TLE2: variants seen among roughly 807,000 people sequenced by gnomAD.
The protein encoded by TLE2 is transducin-like enhancer protein 2.
Under a neutral mutation model 97.2 loss-of-function variants are expected in TLE2, and 74 were observed. The observed-to-expected ratio is 0.76, with a 90% CI of 0.63 to 0.92. The LOEUF is 0.92. TLE2 is among the 40% of genes least tolerant of loss of function. The pLI is 0.00. For synonymous variants in TLE2, 499 were observed against 432.1 expected (o/e 1.15, Z -1.92); for missense variants, 1,038 against 1,008.7 (o/e 1.03, Z -0.39).
Position 3,005,728 on chromosome 19 carries a change from T to A in TLE2, c.1741A>T (p.Met581Leu). The A allele has an allele frequency of 6.2e-7, 1 of 1,613,236 alleles. No individual in the cohort carries two copies. The highest frequency in any genetic ancestry group is 8.5e-7 in the Non-Finnish European group (1 of 1,179,546). ...IVVWDLQNQT[M>L]VRQFQGHTDG... ...AGCGCACCTGCCACCCACCTGACCA[T>A]AGTCTGATTCTGCAGGTCCCAGACC... Residue 581 changes from methionine to leucine, a missense_variant, in exon 16 of 20, where the codon ATG (methionine) becomes TTG (leucine). Physicochemically the swap from Met to Leu is conservative, Grantham distance 15. Coordinates refer to ENST00000262953, the MANE Select transcript of TLE2 (RefSeq NM_003260.5).
chr19:3,031,996 CG>C (rs1386137467), upstream of TLE2, among the ~76,000 whole-genome samples: 2 of 151,842 alleles, frequency 1.3e-5, no homozygotes, highest in African/African-American at 4.8e-5. Flanking sequence ...GGCGCGATCT[CG>C]GCTCACTGCT....
intron 9 of TLE2, among the ~76,000 whole-genome samples, chr19:3,015,229 G>A (rs553066790): frequency 9.9e-5 from 15 of 152,248 alleles, no homozygotes; most frequent in South Asian, 4.2e-4. Context: ...CCCCACATTC[G>A]GCCTGGCCCC....
chr19:3,045,512 T>C (rs1745604595), intron 1 of TLE2, among the ~76,000 whole-genome samples: 2 of 152,142 alleles, frequency 1.3e-5, no homozygotes, highest in South Asian at 4.1e-4. Flanking sequence ...CTTCTTTCTC[T>C]TAAACCAAAT....
rs2089643099 is a variant in TLE2, at chr19:3,013,703, C to CT, written c.838_839insA (p.Gly280GlufsTer6). On this transcript the variant is annotated frameshift_variant, in exon 11 of 20. Coordinates refer to ENST00000262953, the MANE Select transcript of TLE2 (RefSeq NM_003260.5). LOFTEE classifies it high-confidence loss of function. ...CTCCTTGGCTCTAGGCAGCGGTGAG[C>CT]CAAGGCTAGAGGCCAAGGAGGCTGG... 6 of 1,501,308 alleles carry CT rather than the reference C, an allele frequency of 4.0e-6. No homozygotes were observed. Among genetic ancestry groups the CT allele is most frequent in the Non-Finnish European group, 5.3e-6 (6 of 1,125,398 alleles). The allele number at this position is 1,501,308 out of a possible 1,614,324, so 93.0% of individuals were successfully genotyped here.
intron 17 of TLE2, 129 bp downstream of exon 17, chr19:3,005,304 CAAGA>C (rs1205208258): frequency 4.7e-6 from 6 of 1,264,244 alleles, no homozygotes; most frequent in Non-Finnish European, 6.4e-6. Flanking sequence ...GTCTGGGGGA[CAAGA>C]AAGATGGACA....
chr19:3,005,687 G>T, intron 16 of TLE2, 34 bp downstream of exon 16: 1 of 1,608,490 alleles, frequency 6.2e-7, no homozygotes, highest in East Asian at 2.2e-5. Flanking sequence ...GCGGCCGGGG[G>T]CTTGCCCAAG....
rs77892057 is a variant in TLE2, at chr19:3,010,500, A to T, written c.1012+522T>A. On this transcript the variant is annotated intron_variant, in intron 12 of 19. Transcript: ENST00000262953. Reference sequence around the variant, plus strand: ...CTGCCTTGGTACCAGCCCTGACTATACAGGGCTGTGAGTTTTGGGGTCTGG... The same window carrying T: ...CTGCCTTGGTACCAGCCCTGACTATTCAGGGCTGTGAGTTTTGGGGTCTGG... Among the ~76,000 whole-genome samples the T allele has an allele frequency of 4.6e-3, 696 of 152,030 alleles. 9 individuals carry two copies. The highest frequency in any genetic ancestry group is 0.016 in the African/African-American group (682 of 41,450).
intron 4 of TLE2, 55 bp downstream of exon 4, chr19:3,027,774 G>A: frequency 6.3e-7 from 1 of 1,578,932 alleles, no homozygotes; most frequent in South Asian, 1.2e-5. Flanking sequence ...GTCCTTCTCA[G>A]GGCTTCCAGA....
intron 1 of TLE2, among the ~76,000 whole-genome samples, chr19:3,041,570 AGCAGCCCC>A (rs2090103719): frequency 6.6e-6 from 1 of 152,084 alleles, no homozygotes; most frequent in Admixed American, 6.5e-5. Context: ...TCCTGGGCCA[AGCAGCCCC>A]GTCTCTCTCT....
intron 1 of TLE2, among the ~76,000 whole-genome samples, chr19:3,045,426 C>T (rs2090134521): frequency 6.6e-6 from 1 of 152,174 alleles, no homozygotes; most frequent in Non-Finnish European, 1.5e-5. Flanking sequence ...TCAGCCAATC[C>T]TGCTGCACCC....
At position 3,005,431 on chromosome 19, in the gene TLE2, C is replaced by G. The variant is rs373364939; in HGVS notation, c.1896+6G>C. ...CCATCCCCCTCCTGCCAGAACCGAA[C>G]AGCACCTGGGAGCTGAAGTCATGCT... On this transcript the variant is annotated splice_donor_region_variant and intron_variant, in intron 17 of 19. Transcript: ENST00000262953. 5.0e-6 allele frequency: 8 copies of G among 1,613,422 alleles called. No homozygotes were observed. Among genetic ancestry groups the G allele is most frequent in the African/African-American group, 2.7e-5 (2 of 75,046 alleles).
upstream of TLE2, among the ~76,000 whole-genome samples, chr19:3,046,937 C>CCCCTCCTCCTCCCTTCCCT (rs2090146627): frequency 1.6e-5 from 2 of 124,630 alleles, no homozygotes; most frequent in African/African-American, 3.0e-5. Flanking sequence ...CCTCTGCCTC[C>CCCCTCCTCCTCCCTTCCCT]CCCTCCTCCT....
At position 3,019,343 on chromosome 19, in the gene TLE2, C is replaced by T. The variant is rs1238459344; in HGVS notation, c.490G>A (p.Ala164Thr). 2 of 1,568,660 alleles carry T rather than the reference C, an allele frequency of 1.3e-6. 1 individual carries two copies. Among genetic ancestry groups the T allele is most frequent in the South Asian group, 2.3e-5 (2 of 86,176 alleles). ...TCCTTGACAGCCGCCGCCAGCTGAG[C>T]CTGGGCAGCCAGGGCTCCAGACAGA... Reference protein sequence around the residue: ...LALSGALAAQAQLAAAVKEDR... With the variant: ...LALSGALAAQTQLAAAVKEDR... Residue 164 changes from alanine (A) to threonine (T), a missense_variant, in exon 7 of 20, where the codon GCT (alanine) becomes ACT (threonine). Coordinates refer to ENST00000262953, the MANE Select transcript of TLE2 (RefSeq NM_003260.5). The surrounding 1 kb of genome is among the most constrained non-coding windows in gnomAD (Gnocchi z 5.1).
At chr19:3,027,598 C>T (rs893995693) in intron 4 of TLE2, among the ~76,000 whole-genome samples, 7 of 152,196 alleles carry the variant, frequency 4.6e-5, no homozygotes, top group Admixed American at 6.5e-5. Flanking sequence ...CTCTGCTGGA[C>T]GCTCCAACTG....
At chr19:3,012,572 G>A (rs1380171658) in intron 11 of TLE2, among the ~76,000 whole-genome samples, 1 of 152,186 alleles carries the variant, frequency 6.6e-6, no homozygotes, top group Non-Finnish European at 1.5e-5. Flanking sequence ...GGCTCGTGGA[G>A]AGGCAGACCC....
chr19:3,044,320 G>C (rs1441387889), intron 1 of TLE2, among the ~76,000 whole-genome samples: 2 of 152,158 alleles, frequency 1.3e-5, no homozygotes, highest in Non-Finnish European at 2.9e-5. Flanking sequence ...CCCCTTTGCT[G>C]CTCGAACACC....
chr19:3,037,747 G>A (rs1568255162), intron 1 of TLE2, among the ~76,000 whole-genome samples: 2 of 152,114 alleles, frequency 1.3e-5, no homozygotes, highest in Non-Finnish European at 2.9e-5. Context: ...TGCCAGGCAC[G>A]TTTACTCTGC....
Position 3,015,781 on chromosome 19 carries a change from G to C in TLE2, c.571-21C>G, listed in dbSNP as rs537323913. ...GCACTCTGCGGAGAGACAAAGGCCG[G>C]GGGGAGAAAGGGTCAGGGCCCTGGG... On this transcript the variant is annotated intron_variant, in intron 8 of 19. Coordinates refer to ENST00000262953, the MANE Select transcript of TLE2 (RefSeq NM_003260.5). 6.4e-6 allele frequency: 10 copies of C among 1,554,412 alleles called. No homozygotes were observed. In the Admixed American group the frequency reaches 9.1e-5, roughly 14 times the overall value.
At chr19:3,016,579 G>A (rs1355442405) in intron 8 of TLE2, among the ~76,000 whole-genome samples, 111 of 112,100 alleles carry the variant, frequency 9.9e-4, no homozygotes, top group African/African-American at 3.4e-3. Flanking sequence ...GACAGGGCAA[G>A]ACTCAGTCTC....
Sources: allele counts gnomAD v4.1 joint callset (sites outside exome capture counted in the v4.1 genomes callset), GRCh38; gene constraint gnomAD v4.1.1; non-coding constraint Gnocchi (gnomAD v3.1); transcripts MANE v1.5; gene names NCBI Gene and HGNC (gene_info 2026-07-23, HGNC 2026-07-21).